KCTD8: variants seen among roughly 807,000 people sequenced by gnomAD.
KCTD8 encodes the protein potassium channel tetramerization domain containing 8.
KCTD8 carries 27 observed loss-of-function variants against 31.5 expected under a neutral mutation model. The ratio of observed to expected loss-of-function variants is 0.86; its 90% CI spans 0.63 to 1.18. KCTD8 has a LOEUF of 1.18. KCTD8 is among the 50% of genes most tolerant of loss of function. The pLI is 0.00. For synonymous variants in KCTD8, 290 were observed against 280.0 expected (o/e 1.04, Z -0.36); for missense variants, 658 against 647.7 (o/e 1.02, Z -0.17).
intron 1 of KCTD8, among the ~76,000 whole-genome samples, chr4:44,227,736 G>A (rs2109351107): frequency 6.6e-6 from 1 of 152,212 alleles, no homozygotes. Flanking sequence ...TTAAACCAGA[G>A]CCTAAGAGGC....
intron 1 of KCTD8, among the ~76,000 whole-genome samples, chr4:44,215,621 G>A (rs1039382841): frequency 1.3e-5 from 2 of 152,154 alleles, no homozygotes; most frequent in African/African-American, 4.8e-5. Context: ...AGACTTAACA[G>A]ATAAAACTGC....
intron 1 of KCTD8, among the ~76,000 whole-genome samples, chr4:44,313,178 C>G (rs1197452845): frequency 1.3e-5 from 2 of 152,122 alleles, no homozygotes; most frequent in Non-Finnish European, 2.9e-5. Flanking sequence ...TGCGATCTGC[C>G]CATTAGCTCC....
At chr4:44,233,979 G>C (rs1715199991) in intron 1 of KCTD8, among the ~76,000 whole-genome samples, 2 of 152,076 alleles carry the variant, frequency 1.3e-5, no homozygotes, top group African/African-American at 2.4e-5. Context: ...TTTCTCTTCT[G>C]TAAAAGGAGG....
intron 1 of KCTD8, among the ~76,000 whole-genome samples, chr4:44,401,484 G>C (rs1720661651): frequency 6.6e-6 from 1 of 152,076 alleles, no homozygotes; most frequent in Non-Finnish European, 1.5e-5. Context: ...ACATATCACA[G>C]ACTCCCTCAC....
chr4:44,239,081 A>G (rs1715374521), intron 1 of KCTD8, among the ~76,000 whole-genome samples: 1 of 152,178 alleles, frequency 6.6e-6, no homozygotes, highest in Non-Finnish European at 1.5e-5. Flanking sequence ...GGACATCTGT[A>G]TGATTTAGGG....
chr4:44,309,810 T>G (rs762463460), intron 1 of KCTD8, among the ~76,000 whole-genome samples: 1 of 152,140 alleles, frequency 6.6e-6, no homozygotes, highest in East Asian at 1.9e-4. Flanking sequence ...TTTTGTGTTT[T>G]TGATTCTAAG....
chr4:44,282,412 T>C (rs573587641), intron 1 of KCTD8, among the ~76,000 whole-genome samples: 120 of 152,198 alleles, frequency 7.9e-4, no homozygotes, highest in African/African-American at 2.8e-3. Flanking sequence ...TCTCCATCTC[T>C]CTCCCTCCCC....
intron 1 of KCTD8, among the ~76,000 whole-genome samples, chr4:44,422,158 G>A (rs1470893956): frequency 6.6e-6 from 1 of 151,998 alleles, no homozygotes; most frequent in Non-Finnish European, 1.5e-5. Context: ...GTACTTACCA[G>A]CCATTTGGTT....
chr4:44,394,102 T>C (rs1473653336), intron 1 of KCTD8, among the ~76,000 whole-genome samples: 1 of 152,018 alleles, frequency 6.6e-6, no homozygotes, highest in African/African-American at 2.4e-5. Context: ...ATAATACTTA[T>C]TTCAAAATAT....
At chr4:44,277,058 TA>T (rs1037413990) in intron 1 of KCTD8, among the ~76,000 whole-genome samples, 3 of 151,858 alleles carry the variant, frequency 2.0e-5, no homozygotes, top group Non-Finnish European at 4.4e-5. Flanking sequence ...TTCTGAAAAT[TA>T]AATGAATTAG....
intron 1 of KCTD8, among the ~76,000 whole-genome samples, chr4:44,336,734 C>T (rs1304891712): frequency 2.0e-5 from 3 of 151,864 alleles, no homozygotes; most frequent in Non-Finnish European, 4.4e-5. Flanking sequence ...TATAAACAGT[C>T]ATAATATAAT....
chr4:44,214,531 T>C (rs1714592339), intron 1 of KCTD8, among the ~76,000 whole-genome samples: 1 of 152,226 alleles, frequency 6.6e-6, no homozygotes, highest in African/African-American at 2.4e-5. Flanking sequence ...ATTAAATCTA[T>C]AGCAAACTAT....
chr4:44,242,130 T>C (rs13125463), intron 1 of KCTD8, among the ~76,000 whole-genome samples: 1 of 151,944 alleles, frequency 6.6e-6, no homozygotes, highest in Non-Finnish European at 1.5e-5. Flanking sequence ...AGCAAAACTA[T>C]TATTTATGGA....
chr4:44,407,464 G>A (rs370005193), intron 1 of KCTD8, among the ~76,000 whole-genome samples: 85 of 148,866 alleles, frequency 5.7e-4, no homozygotes, highest in African/African-American at 1.8e-3. Context: ...TCGGCTCACC[G>A]CAACCTCCAC....
intron 1 of KCTD8, among the ~76,000 whole-genome samples, chr4:44,354,020 A>T (rs1047356083): frequency 6.6e-6 from 1 of 152,100 alleles, no homozygotes; most frequent in African/African-American, 2.4e-5. Context: ...ACTCAATCCA[A>T]ACAAAAGTTA....
At chr4:44,309,691 G>A (rs1717897878) in intron 1 of KCTD8, among the ~76,000 whole-genome samples, 1 of 151,990 alleles carries the variant, frequency 6.6e-6, no homozygotes, top group Admixed American at 6.6e-5. Context: ...ATACATTAGA[G>A]AGAGAGCACT....
chr4:44,261,493 T>C (rs2109365818), intron 1 of KCTD8, among the ~76,000 whole-genome samples: 1 of 152,090 alleles, frequency 6.6e-6, no homozygotes, highest in Middle Eastern at 3.4e-3. Context: ...ATAAACAATA[T>C]AGTACTACTA....
chr4:44,366,352 T>G (rs1483120323), intron 1 of KCTD8, among the ~76,000 whole-genome samples: 2 of 152,112 alleles, frequency 1.3e-5, no homozygotes, highest in Non-Finnish European at 2.9e-5. Flanking sequence ...TGGATTTCCC[T>G]TTTGCTGTTC....
chr4:44,251,152 G>A (rs1023768311), intron 1 of KCTD8, among the ~76,000 whole-genome samples: 1 of 151,602 alleles, frequency 6.6e-6, no homozygotes, highest in African/African-American at 2.4e-5. Context: ...CCTACAGAGA[G>A]TTATTTTGGG....
Sources: gnomAD v4.1 joint callset for allele counts (sites outside exome capture counted in the v4.1 genomes callset) on GRCh38, gnomAD v4.1.1 for gene constraint, MANE v1.5 for transcripts, NCBI Gene and HGNC (gene_info 2026-07-23, HGNC 2026-07-21) for gene names.